RERE: variants seen among roughly 807,000 people sequenced by gnomAD.
RERE encodes the protein arginine-glutamic acid dipeptide repeats.
RERE carries 40 observed loss-of-function variants against 146.1 expected under a neutral mutation model. That is an observed-to-expected ratio of 0.27 (90% CI 0.21 to 0.36). The LOEUF (loss-of-function observed/expected upper bound fraction) is 0.36, where lower values mean the gene tolerates loss of function less well. Among genes scored for constraint, RERE ranks in the 10% least tolerant of loss-of-function variants. The pLI is 1.00. For synonymous variants in RERE, 1,003 were observed against 866.0 expected (o/e 1.16, Z -2.78); for missense variants, 1,933 against 2,138.7 (o/e 0.90, Z 1.90).
intron 4 of RERE, among the ~76,000 whole-genome samples, chr1:8,578,543 C>T (rs1646324501): frequency 6.6e-6 from 1 of 152,112 alleles, no homozygotes; most frequent in South Asian, 2.1e-4. Context: ...CTCACATATG[C>T]CATGAAATGT....
At chr1:8,489,645 T>G (rs1026470070) in intron 10 of RERE, among the ~76,000 whole-genome samples, 5 of 151,990 alleles carry the variant, frequency 3.3e-5, no homozygotes, top group African/African-American at 1.2e-4. Flanking sequence ...ACACATCCAT[T>G]AAAATGGATA....
chr1:8,585,161 A>AAG (rs59621842), intron 4 of RERE, among the ~76,000 whole-genome samples: 4 of 150,556 alleles, frequency 2.7e-5, no homozygotes, highest in Admixed American at 2.6e-4. Context: ...AAAAAAAAAA[A>AAG]GAAGTAATTA....
chr1:8,466,807 ACCC>A (rs1332425618), intron 10 of RERE, among the ~76,000 whole-genome samples: 2 of 152,118 alleles, frequency 1.3e-5, no homozygotes, highest in African/African-American at 4.8e-5. Flanking sequence ...CGTCTTTTCA[ACCC>A]TGTGTAGTGT....
At chr1:8,605,845 C>CTTT (rs60346942) in intron 4 of RERE, among the ~76,000 whole-genome samples, 1,390 of 93,178 alleles carry the variant, frequency 0.015, 237 homozygotes, top group African/African-American at 0.053. Flanking sequence ...AAATACCAAA[C>CTTT]TTTTTTTTTT....
At chr1:8,484,428 C>T (rs971773973) in intron 10 of RERE, among the ~76,000 whole-genome samples, 2 of 143,294 alleles carry the variant, frequency 1.4e-5, no homozygotes, top group Admixed American at 1.4e-4. Flanking sequence ...ACAAATAAAA[C>T]TTTTTTTTTT....
intron 1 of RERE, among the ~76,000 whole-genome samples, chr1:8,699,060 C>A (rs1639393738): frequency 6.6e-6 from 1 of 152,076 alleles, no homozygotes; most frequent in Admixed American, 6.6e-5. Flanking sequence ...TTTGTTTTGT[C>A]CTCCTCCACT....
At chr1:8,772,244 C>T (rs972696150) in intron 1 of RERE, among the ~76,000 whole-genome samples, 1 of 151,434 alleles carries the variant, frequency 6.6e-6, no homozygotes, top group Non-Finnish European at 1.5e-5. Context: ...TTTTTAATTA[C>T]GAGATATAAC....
chr1:8,432,843 G>C (rs368294794), intron 11 of RERE, among the ~76,000 whole-genome samples: 1 of 152,142 alleles, frequency 6.6e-6, no homozygotes, highest in Non-Finnish European at 1.5e-5. Context: ...GAAGAATGGA[G>C]AAGTAAATCA....
intron 4 of RERE, among the ~76,000 whole-genome samples, chr1:8,609,861 T>C (rs1198761607): frequency 1.3e-5 from 2 of 152,170 alleles, no homozygotes; most frequent in African/African-American, 2.4e-5. Context: ...CCGGTTTGAC[T>C]GAGTTCAATC....
At chr1:8,408,557 C>T (rs1429700848) in intron 12 of RERE, among the ~76,000 whole-genome samples, 1 of 152,068 alleles carries the variant, frequency 6.6e-6, no homozygotes, top group Non-Finnish European at 1.5e-5. Flanking sequence ...GCACTGAAGT[C>T]TCTGAGCTTC....
intron 10 of RERE, among the ~76,000 whole-genome samples, chr1:8,492,042 A>G (rs1644985618): frequency 6.6e-6 from 1 of 152,220 alleles, no homozygotes; most frequent in African/African-American, 2.4e-5. Context: ...TTGCAACTGA[A>G]GTTTTCGGAG....
chr1:8,393,199 T>C (rs1317535653), intron 12 of RERE, among the ~76,000 whole-genome samples: 2 of 152,212 alleles, frequency 1.3e-5, no homozygotes, highest in African/African-American at 4.8e-5. Context: ...TGATCTTACC[T>C]TTCCAGATGT....
intron 8 of RERE, among the ~76,000 whole-genome samples, chr1:8,505,681 T>A (rs574989182): frequency 6.6e-6 from 1 of 152,244 alleles, no homozygotes; most frequent in African/African-American, 2.4e-5. Flanking sequence ...CAGACATGCA[T>A]CACCATGCCT....
Position 8,359,782 on chromosome 1 carries a change from G to GCGCTCCCGCTCTCGCTCC in RERE, c.3582_3599dup (p.Arg1196_Glu1201dup), listed in dbSNP as rs780958536. The GCGCTCCCGCTCTCGCTCC allele has an allele frequency of 2.2e-5, 35 of 1,600,934 alleles. No homozygotes were observed. The highest frequency in any genetic ancestry group is 2.8e-5 in the Non-Finnish European group (33 of 1,179,042). On this transcript the variant is annotated inframe_insertion, in exon 19 of 23. Transcript: ENST00000400908. ...GACTCACAGCCGCCCGCTCTGCCTC[G>GCGCTCCCGCTCTCGCTCC]CGCTCCCGCTCTCGCTCCCGCTCCC...
intron 1 of RERE, among the ~76,000 whole-genome samples, chr1:8,782,887 C>T (rs1053910732): frequency 6.6e-6 from 1 of 152,150 alleles, no homozygotes; most frequent in Non-Finnish European, 1.5e-5. Flanking sequence ...GCCTGGGAGA[C>T]ACAGTGAGAC....
chr1:8,469,454 TA>T (rs1217312848), intron 10 of RERE, among the ~76,000 whole-genome samples: 1 of 152,110 alleles, frequency 6.6e-6, no homozygotes, highest in South Asian at 2.1e-4. Flanking sequence ...GCATCCCTAC[TA>T]AAAAACTATA....
intron 12 of RERE, among the ~76,000 whole-genome samples, chr1:8,420,785 G>T (rs1292686076): frequency 6.6e-6 from 1 of 152,204 alleles, no homozygotes; most frequent in African/African-American, 2.4e-5. Flanking sequence ...TGTGAAGGCG[G>T]AGGAGTGATG....
At chr1:8,638,670 T>C (rs532774558) in intron 2 of RERE, among the ~76,000 whole-genome samples, 3 of 152,166 alleles carry the variant, frequency 2.0e-5, no homozygotes, top group Admixed American at 6.5e-5. Context: ...AGTGGTTAAG[T>C]AGCTTCTATT....
chr1:8,587,341 A>G (rs183578210), intron 4 of RERE, among the ~76,000 whole-genome samples: 21 of 152,364 alleles, frequency 1.4e-4, no homozygotes, highest in African/African-American at 4.8e-4. Flanking sequence ...ACAAGGGAAC[A>G]CTACAAGGAG....
Sources: gnomAD v4.1 joint callset for allele counts (sites outside exome capture counted in the v4.1 genomes callset) on GRCh38, gnomAD v4.1.1 for gene constraint, MANE v1.5 for transcripts, NCBI Gene and HGNC (gene_info 2026-07-23, HGNC 2026-07-21) for gene names.